Variants in YPEL2 observed in about 807,000 individuals in gnomAD.
YPEL2 encodes the protein protein yippee-like 2.
In YPEL2, 2 loss-of-function variants were observed where a neutral mutation model predicts 19.1. That is an observed-to-expected ratio of 0.10 (90% CI 0.04 to 0.33). YPEL2 has a LOEUF of 0.33. Ranked by LOEUF, YPEL2 falls within the 10% of genes least tolerant of loss-of-function variation. YPEL2 has a pLI of 1.00. For missense variants in YPEL2, 66 were observed against 140.7 expected (o/e 0.47, Z 2.68); for synonymous variants, 52 against 50.0 (o/e 1.04, Z -0.17).
chr17:59,383,778 A>G (rs2047966384), intron 2 of YPEL2, among the ~76,000 whole-genome samples: 1 of 150,644 alleles, frequency 6.6e-6, no homozygotes, highest in Admixed American at 6.6e-5. Flanking sequence ...CTTTTTACCC[A>G]TAACCTCTAG....
At chr17:59,370,053 ATTTTTTTC>A (rs1320179065) in intron 2 of YPEL2, among the ~76,000 whole-genome samples, 1 of 152,118 alleles carries the variant, frequency 6.6e-6, no homozygotes, top group African/African-American at 2.4e-5. Context: ...CAGAACCAGA[ATTTTTTTC>A]TTTTTTTCTT....
chr17:59,341,172 G>A (rs1361053645), intron 1 of YPEL2, among the ~76,000 whole-genome samples: 1 of 150,762 alleles, frequency 6.6e-6, no homozygotes, highest in Non-Finnish European at 1.5e-5. Context: ...CAGCACTTTG[G>A]GAGGCCGAGG....
intron 2 of YPEL2, among the ~76,000 whole-genome samples, chr17:59,368,670 G>A (rs983082269): frequency 1.3e-5 from 2 of 152,166 alleles, no homozygotes; most frequent in Admixed American, 1.3e-4. Context: ...TGTGCTTTAG[G>A]GAAGCAGGTC....
intron 1 of YPEL2, among the ~76,000 whole-genome samples, chr17:59,351,340 A>AC (rs1272922804): frequency 6.6e-6 from 1 of 151,944 alleles, no homozygotes; most frequent in Non-Finnish European, 1.5e-5. Flanking sequence ...ATGCCACTGT[A>AC]CTCCAGCCTG....
intron 2 of YPEL2, among the ~76,000 whole-genome samples, chr17:59,377,454 A>G (rs1281962918): frequency 6.6e-6 from 1 of 152,126 alleles, no homozygotes; most frequent in Non-Finnish European, 1.5e-5. Context: ...CCCTGAACAG[A>G]CCTGGTGAGG....
At chr17:59,349,316 G>A (rs1424100472) in intron 1 of YPEL2, among the ~76,000 whole-genome samples, 1 of 150,234 alleles carries the variant, frequency 6.7e-6, no homozygotes, top group Non-Finnish European at 1.5e-5. Context: ...TTCCTCTCAT[G>A]CAGCCTGCCC....
At chr17:59,388,778 A>C (rs1398686622) in intron 3 of YPEL2, 1 of 210,312 alleles carries the variant, frequency 4.8e-6, no homozygotes, top group African/African-American at 2.3e-5. Context: ...CACAGTTTCC[A>C]GGGCACTCAG....
intron 4 of YPEL2, among the ~76,000 whole-genome samples, chr17:59,394,486 A>G (rs1225386763): frequency 2.0e-3 from 298 of 149,412 alleles, no homozygotes; most frequent in Non-Finnish European, 3.7e-3. Flanking sequence ...CTCACTTTCC[A>G]GACTGGGCAG....
intron 4 of YPEL2, among the ~76,000 whole-genome samples, chr17:59,393,537 A>C (rs1388066762): frequency 8.1e-6 from 1 of 123,740 alleles, no homozygotes; most frequent in African/African-American, 3.1e-5. Context: ...TTTTTTATTG[A>C]TCATTCTTGG....
intron 2 of YPEL2, among the ~76,000 whole-genome samples, chr17:59,367,478 C>A (rs1415734033): frequency 1.3e-5 from 2 of 152,146 alleles, no homozygotes; most frequent in Non-Finnish European, 2.9e-5. Context: ...AATCTGCAGC[C>A]ACAGAGAATA....
chr17:59,387,354 G>C (rs190164168), intron 2 of YPEL2, among the ~76,000 whole-genome samples: 1 of 151,364 alleles, frequency 6.6e-6, no homozygotes, highest in Non-Finnish European at 1.5e-5. Flanking sequence ...TGATTGTCTC[G>C]CGTGCTGATC....
intron 2 of YPEL2, among the ~76,000 whole-genome samples, chr17:59,373,037 G>T (rs1385601022): frequency 6.6e-6 from 1 of 152,070 alleles, no homozygotes; most frequent in Non-Finnish European, 1.5e-5. Context: ...CCACACACAG[G>T]TAATTTGTAT....
chr17:59,373,495 G>A (rs993003513), intron 2 of YPEL2, among the ~76,000 whole-genome samples: 9 of 152,020 alleles, frequency 5.9e-5, no homozygotes, highest in South Asian at 2.1e-4. Context: ...ATTTATTGCC[G>A]CGATTTATAC....
chr17:59,347,289 A>G (rs1222970044), intron 1 of YPEL2, among the ~76,000 whole-genome samples: 1 of 152,114 alleles, frequency 6.6e-6, no homozygotes, highest in Non-Finnish European at 1.5e-5. Flanking sequence ...AACTAGTTCC[A>G]GGTCCTTTTT....
intron 1 of YPEL2, among the ~76,000 whole-genome samples, chr17:59,346,549 A>C (rs1008430308): frequency 6.6e-6 from 1 of 152,076 alleles, no homozygotes; most frequent in Non-Finnish European, 1.5e-5. Flanking sequence ...GGGCCTTATC[A>C]CATGTGCTAC....
At chr17:59,361,592 C>T (rs1436645072) in intron 2 of YPEL2, among the ~76,000 whole-genome samples, 1 of 152,122 alleles carries the variant, frequency 6.6e-6, no homozygotes, top group Non-Finnish European at 1.5e-5. Context: ...GAGTGAATGA[C>T]TTATTACTCA....
intron 1 of YPEL2, among the ~76,000 whole-genome samples, chr17:59,332,456 A>G (rs1204052207): frequency 6.6e-6 from 1 of 152,072 alleles, no homozygotes; most frequent in African/African-American, 2.4e-5. Context: ...GGTGGGCGCG[A>G]GGTCCTGCCC....
intron 1 of YPEL2, among the ~76,000 whole-genome samples, chr17:59,333,950 A>G (rs1054771460): frequency 1.3e-5 from 2 of 152,206 alleles, no homozygotes; most frequent in Non-Finnish European, 2.9e-5. Flanking sequence ...GCAGTCAGGT[A>G]TGTGACCCCA....
chr17:59,383,820 C>T (rs916942208), intron 2 of YPEL2, among the ~76,000 whole-genome samples: 4 of 151,400 alleles, frequency 2.6e-5, no homozygotes, highest in African/African-American at 7.3e-5. Context: ...TAATGTATTT[C>T]AGATTCATCC....
Sources: allele counts gnomAD v4.1 joint callset (sites outside exome capture counted in the v4.1 genomes callset), GRCh38; gene constraint gnomAD v4.1.1; transcripts MANE v1.5; gene names NCBI Gene and HGNC (gene_info 2026-07-23, HGNC 2026-07-21).